The following CCDC141 variants were observed in gnomAD, a reference collection of about 807,000 sequenced individuals.
CCDC141 encodes coiled-coil domain-containing protein 141.
Under a neutral mutation model 181.0 loss-of-function variants are expected in CCDC141, and 168 were observed. That is an observed-to-expected ratio of 0.93 (90% confidence interval 0.82 to 1.05). CCDC141 has a LOEUF of 1.05. Ranked by LOEUF, CCDC141 falls within the 50% of genes least tolerant of loss-of-function variation. The pLI is 0.00. For missense variants in CCDC141, 1,902 were observed against 1,788.5 expected, an observed-to-expected ratio of 1.06 and a Z score of -1.14; for synonymous variants, 666 against 642.3, an observed-to-expected ratio of 1.04 and a Z score of -0.56.
chr2:179,016,675 C>T (rs1442818499), intron 2 of CCDC141, among the ~76,000 whole-genome samples: 2 of 152,086 alleles, frequency 1.3e-5, no homozygotes, highest in African/African-American at 4.8e-5. Context: ...TGTCTTGATA[C>T]CTTTCGATGC....
the CCDC141 span, among the ~76,000 whole-genome samples, chr2:178,823,662 C>G: frequency 6.6e-6 from 1 of 152,216 alleles, no homozygotes; most frequent in South Asian, 2.1e-4. Context: ...AAAGTAACTT[C>G]AAAGTTCTAT....
chr2:178,901,625 C>T (rs1687696694), intron 8 of CCDC141, among the ~76,000 whole-genome samples: 2 of 151,900 alleles, frequency 1.3e-5, no homozygotes, highest in South Asian at 2.1e-4. Context: ...TAAGAGCTAT[C>T]TATGACAAAC....
chr2:178,890,632 G>A (rs1344208142), intron 8 of CCDC141, among the ~76,000 whole-genome samples: 1 of 152,106 alleles, frequency 6.6e-6, no homozygotes, highest in Non-Finnish European at 1.5e-5. Flanking sequence ...ACCTGAACTT[G>A]CTCTAGCATC....
intron 2 of CCDC141, among the ~76,000 whole-genome samples, chr2:178,989,224 T>C (rs1691908506): frequency 6.6e-6 from 1 of 151,862 alleles, no homozygotes; most frequent in Admixed American, 6.6e-5. Flanking sequence ...ATCCTTAGAA[T>C]GGGAGAAAAT....
chr2:178,940,394 T>C (rs1689459705), intron 6 of CCDC141, among the ~76,000 whole-genome samples: 1 of 152,202 alleles, frequency 6.6e-6, no homozygotes, highest in Admixed American at 6.5e-5. Context: ...ATATGAGATC[T>C]ATGGCTTCAT....
intron 2 of CCDC141, among the ~76,000 whole-genome samples, chr2:179,036,239 T>C (rs1283109935): frequency 1.3e-5 from 2 of 152,174 alleles, no homozygotes; most frequent in African/African-American, 4.8e-5. Context: ...GCCCCTTTGG[T>C]AAATCAACTC....
chr2:178,982,542 C>T (rs1435353916), intron 2 of CCDC141, among the ~76,000 whole-genome samples: 1 of 152,200 alleles, frequency 6.6e-6, no homozygotes, highest in African/African-American at 2.4e-5. Context: ...TCTGCATTTC[C>T]ATCTGAGGTA....
chr2:178,830,344 T>C lies in CCDC141; in HGVS notation c.*3829A>G, dbSNP rs1684202989. 1 of 152,204 alleles carries C rather than the reference T, an allele frequency of 6.6e-6. No homozygotes were observed. The highest frequency in any genetic ancestry group is 1.9e-4 in the East Asian group (1 of 5,194). The allele number at this position is 152,204 out of a possible 1,614,324, so 9.4% of individuals were successfully genotyped here. ...CAATCAGGGTCTAGCCCAGAGGGTC[T>C]GGAGGGTTCTCACACAAGTTTTGCA... On this transcript the variant is annotated 3_prime_UTR_variant, in exon 24 of 24. Transcript: ENST00000443758.
chr2:179,018,158 T>C (rs2042595112), intron 2 of CCDC141, among the ~76,000 whole-genome samples: 1 of 152,162 alleles, frequency 6.6e-6, no homozygotes, highest in African/African-American at 2.4e-5. Context: ...GCCCATTTTA[T>C]AGACGTTGCA....
chr2:178,888,637 C>G lies in CCDC141; in HGVS notation c.1297G>C (p.Gly433Arg), dbSNP rs529414734. The G allele has an allele frequency of 4.5e-6, 7 of 1,550,742 alleles. No homozygotes were observed. The highest frequency in any genetic ancestry group is 4.1e-5 in the African/African-American group (3 of 73,120). Residue 433 changes from glycine to arginine, a missense_variant, in exon 9 of 24, where the codon GGG becomes CGG. Physicochemically the swap from Gly to Arg is moderately radical, Grantham distance 125. Coordinates refer to ENST00000443758, the MANE Select transcript of CCDC141 (RefSeq NM_173648.4). The stretch of plus-strand genomic sequence containing the variant: ...TGATCCACTCGTCTCTTAATGCACC[C>G]CATCATCTCATGGATGCCGGACACC... ...SQVSGIHEMMGCIKRRVDHLT... is the reference protein window; with the variant it reads ...SQVSGIHEMMRCIKRRVDHLT...
At chr2:178,988,924 G>A (rs1182083762) in intron 2 of CCDC141, among the ~76,000 whole-genome samples, 1 of 151,994 alleles carries the variant, frequency 6.6e-6, no homozygotes, top group Non-Finnish European at 1.5e-5. Context: ...TCAAACTAGT[G>A]GAACTAGAAG....
At chr2:178,992,625 T>C (rs1308078571) in intron 2 of CCDC141, among the ~76,000 whole-genome samples, 1 of 152,192 alleles carries the variant, frequency 6.6e-6, no homozygotes, top group Non-Finnish European at 1.5e-5. Context: ...AACAGTTTTG[T>C]GTGCCATTTC....
intron 2 of CCDC141, among the ~76,000 whole-genome samples, chr2:179,036,557 C>A (rs1008287837): frequency 6.6e-6 from 1 of 152,226 alleles, no homozygotes; most frequent in Non-Finnish European, 1.5e-5. Context: ...ACTGTATAAA[C>A]AAGGAAGTGC....
intron 2 of CCDC141, among the ~76,000 whole-genome samples, chr2:179,004,045 G>A (rs1385653512): frequency 1.3e-5 from 2 of 152,048 alleles, no homozygotes; most frequent in South Asian, 2.1e-4. Context: ...TAGTAAACTT[G>A]GCAAAAGTCT....
intron 12 of CCDC141, 135 bp downstream of exon 12, chr2:178,877,829 C>A: frequency 1.2e-6 from 1 of 828,904 alleles, no homozygotes; most frequent in South Asian, 1.4e-5. Flanking sequence ...CAGGACTGGT[C>A]TAGGTTGAAT....
chr2:178,868,268 C>G lies in CCDC141; in HGVS notation c.2395-63G>C. ...TATGAAGACAAATTTTTTTTTAAGCCTAATTTCTATAGCACATTTTGCTAG... is the reference window on the plus strand; with the variant it reads ...TATGAAGACAAATTTTTTTTTAAGCGTAATTTCTATAGCACATTTTGCTAG... On this transcript the variant is annotated intron_variant, in intron 15 of 23. Transcript: ENST00000443758. 2.1e-6 allele frequency: 3 copies of G among 1,446,640 alleles called. No individual in the cohort carries two copies. The South Asian group carries it at 3.7e-5, about 18-fold the overall frequency. 89.6% of individuals were successfully genotyped at this position (1,446,640 alleles called of 1,614,324 possible).
At chr2:178,941,855 G>T (rs1316007993) in intron 6 of CCDC141, among the ~76,000 whole-genome samples, 2 of 150,622 alleles carry the variant, frequency 1.3e-5, no homozygotes, top group Non-Finnish European at 3.0e-5. Context: ...AGGTGCTCGG[G>T]AGGCTGAGGT....
chr2:178,998,276 T>TA (rs1399167755), intron 2 of CCDC141, among the ~76,000 whole-genome samples: 1 of 152,168 alleles, frequency 6.6e-6, no homozygotes, highest in Non-Finnish European at 1.5e-5. Flanking sequence ...AATAAAATAA[T>TA]ACTCTTAATG....
chr2:178,989,768 A>G (rs1023790249), intron 2 of CCDC141, among the ~76,000 whole-genome samples: 7 of 150,240 alleles, frequency 4.7e-5, no homozygotes, highest in East Asian at 3.9e-4. Context: ...TAGTCTTAGA[A>G]AAATGCAAAT....
Sources: allele counts gnomAD v4.1 joint callset (sites outside exome capture counted in the v4.1 genomes callset), GRCh38; gene constraint gnomAD v4.1.1; transcripts MANE v1.5; gene names NCBI Gene and HGNC (gene_info 2026-07-23, HGNC 2026-07-21).